The following ASTN2 variants were observed in gnomAD, a reference collection of about 807,000 sequenced individuals.
ASTN2 encodes astrotactin-2.
A neutral mutation model predicts 139.8 loss-of-function variants in ASTN2; 54 were observed. That is an observed-to-expected ratio of 0.39 (90% confidence interval 0.31 to 0.48). The LOEUF is 0.48. ASTN2 is among the 20% of genes least tolerant of loss of function. The pLI, the probability that ASTN2 is intolerant of heterozygous loss-of-function variation, is 0.95. For missense variants in ASTN2, 1,565 were observed against 1,725.1 expected (o/e 0.91, Z 1.64); for synonymous variants, 756 against 719.5 (o/e 1.05, Z -0.81).
intron 2 of ASTN2, among the ~76,000 whole-genome samples, chr9:117,215,720 C>T (rs999634581): frequency 6.6e-6 from 1 of 152,078 alleles, no homozygotes; most frequent in African/African-American, 2.4e-5. Flanking sequence ...CCAGGCCTCC[C>T]CTCAATTGTT....
At chr9:117,380,812 G>A (rs1397710784) in intron 1 of ASTN2, among the ~76,000 whole-genome samples, 2 of 152,076 alleles carry the variant, frequency 1.3e-5, no homozygotes, top group African/African-American at 4.8e-5. Context: ...CTGATGGAAA[G>A]GTAACATGGT....
intron 4 of ASTN2, among the ~76,000 whole-genome samples, chr9:117,127,523 G>T (rs776902790): frequency 4.6e-5 from 7 of 152,014 alleles, no homozygotes; most frequent in Non-Finnish European, 1.0e-4. Flanking sequence ...CTTGTCCATT[G>T]CCTAGAAAAG....
intron 20 of ASTN2, among the ~76,000 whole-genome samples, chr9:116,453,816 A>T (rs1848248640): frequency 1.3e-5 from 2 of 152,192 alleles, no homozygotes; most frequent in South Asian, 2.1e-4. Flanking sequence ...GTTCAGCCAC[A>T]GCATGTATAA....
At chr9:117,292,281 CT>C (rs1834613768) in intron 1 of ASTN2, among the ~76,000 whole-genome samples, 2 of 152,136 alleles carry the variant, frequency 1.3e-5, no homozygotes, top group African/African-American at 2.4e-5. Flanking sequence ...GGTTTTCCTT[CT>C]GTAAATACTT....
At chr9:117,060,436 G>GGAAGGA in intron 5 of ASTN2, among the ~76,000 whole-genome samples, 1 of 41,052 alleles carries the variant, frequency 2.4e-5, no homozygotes, top group Non-Finnish European at 4.4e-5. Flanking sequence ...GGAAGGAAGA[G>GGAAGGA]AGAGAGAGAA....
At chr9:116,900,492 T>C (rs1248720315) in intron 10 of ASTN2, among the ~76,000 whole-genome samples, 1 of 152,136 alleles carries the variant, frequency 6.6e-6, no homozygotes, top group East Asian at 1.9e-4. Context: ...ATTTTGAGGA[T>C]TTTTTCTTAT....
chr9:117,278,506 C>A (rs6478301), intron 2 of ASTN2, among the ~76,000 whole-genome samples: 141,842 of 152,250 alleles, frequency 0.93, 66,809 homozygotes, highest in East Asian at 1. Context: ...AAATAAATAC[C>A]ATCACCACAT....
chr9:116,998,225 G>A (rs1378446244), intron 7 of ASTN2, among the ~76,000 whole-genome samples: 1 of 152,120 alleles, frequency 6.6e-6, no homozygotes, highest in Non-Finnish European at 1.5e-5. Flanking sequence ...AGCAATATGG[G>A]TTCTGAGGAT....
intron 3 of ASTN2, among the ~76,000 whole-genome samples, chr9:117,170,980 T>C (rs1284884248): frequency 2.0e-5 from 3 of 152,126 alleles, no homozygotes; most frequent in Non-Finnish European, 4.4e-5. Context: ...AGCATGGTTC[T>C]AGGCTGGGCT....
intron 4 of ASTN2, 112 bp from the exon 5 acceptor site, chr9:117,096,263 C>T: frequency 2.6e-6 from 2 of 783,240 alleles, no homozygotes; most frequent in African/African-American, 1.7e-5. Context: ...CTCTGTAAAT[C>T]CCAAGCAACC....
chr9:116,682,571 T>G (rs959475926), intron 16 of ASTN2, among the ~76,000 whole-genome samples: 20 of 152,178 alleles, frequency 1.3e-4, no homozygotes, highest in East Asian at 3.8e-4. Flanking sequence ...AAAGACGCAT[T>G]CACACGTATG....
At chr9:116,918,746 A>G (rs1166601642) in intron 10 of ASTN2, among the ~76,000 whole-genome samples, 1 of 152,204 alleles carries the variant, frequency 6.6e-6, no homozygotes, top group African/African-American at 2.4e-5. Context: ...AACATGGAAC[A>G]TGCTTAGGTT....
At chr9:116,609,351 CAT>C (rs1281656973) in intron 19 of ASTN2, among the ~76,000 whole-genome samples, 3 of 122,474 alleles carry the variant, frequency 2.4e-5, no homozygotes, top group Non-Finnish European at 3.4e-5. Flanking sequence ...CACACACACA[CAT>C]ATATACATGA....
chr9:116,514,801 C>A (rs573137196), intron 19 of ASTN2, among the ~76,000 whole-genome samples: 1 of 152,168 alleles, frequency 6.6e-6, no homozygotes, highest in Non-Finnish European at 1.5e-5. Flanking sequence ...GATCCTGGTG[C>A]GGGATATAAA....
chr9:117,024,014 ATGC>A (rs1837975541), intron 6 of ASTN2, among the ~76,000 whole-genome samples: 1 of 152,112 alleles, frequency 6.6e-6, no homozygotes, highest in African/African-American at 2.4e-5. Flanking sequence ...CTGAGGGCTG[ATGC>A]TGCAGGTCAA....
intron 1 of ASTN2, among the ~76,000 whole-genome samples, chr9:117,329,810 C>T (rs1167255886): frequency 1.3e-5 from 2 of 152,136 alleles, no homozygotes; most frequent in Admixed American, 6.5e-5. Context: ...TTACTATGTT[C>T]CAGGAACTGG....
chr9:117,034,447 C>A (rs1261272074), intron 6 of ASTN2, among the ~76,000 whole-genome samples: 1 of 152,142 alleles, frequency 6.6e-6, no homozygotes, highest in African/African-American at 2.4e-5. Context: ...TATGAGGCAG[C>A]TCCATTAGTA....
intron 19 of ASTN2, among the ~76,000 whole-genome samples, chr9:116,533,971 G>A (rs1253622979): frequency 6.6e-6 from 1 of 152,124 alleles, no homozygotes; most frequent in African/African-American, 2.4e-5. Context: ...GTAGAATTTG[G>A]CTGTGAATCC....
intron 13 of ASTN2, among the ~76,000 whole-genome samples, chr9:116,781,027 A>T (rs1273332335): frequency 6.6e-6 from 1 of 151,996 alleles, no homozygotes; most frequent in African/African-American, 2.4e-5. Context: ...TTTAGTAGAG[A>T]CGGGGTTTCT....
Sources: gnomAD v4.1 joint callset for allele counts (sites outside exome capture counted in the v4.1 genomes callset) on GRCh38, gnomAD v4.1.1 for gene constraint, MANE v1.5 for transcripts, NCBI Gene and HGNC (gene_info 2026-07-23, HGNC 2026-07-21) for gene names.